MKLN1: variants seen among roughly 807,000 people sequenced by gnomAD.
The protein encoded by MKLN1 is muskelin.
In MKLN1, 18 loss-of-function variants were observed where a neutral mutation model predicts 99.0. The observed-to-expected ratio is 0.18, with a 90% CI of 0.13 to 0.27. MKLN1 has a LOEUF of 0.27. Ranked by LOEUF, MKLN1 falls within the 10% of genes least tolerant of loss-of-function variation. The pLI, the probability that MKLN1 is intolerant of heterozygous loss-of-function variation, is 1.00. For missense variants in MKLN1, 621 were observed against 875.9 expected (o/e 0.71, Z 3.67); for synonymous variants, 288 against 293.2 (o/e 0.98, Z 0.18).
Position 131,409,664 on chromosome 7 carries a change from A to G in MKLN1, c.704-1642A>G, listed in dbSNP as rs571763091. Among the ~76,000 whole-genome samples, 5 of 152,338 alleles carry G rather than the reference A, an allele frequency of 3.3e-5. No homozygotes were observed. In the South Asian group the frequency reaches 1.0e-3, roughly 32 times the overall value. On this transcript the variant is annotated intron_variant, in intron 6 of 17. Coordinates refer to ENST00000352689, the MANE Select transcript of MKLN1 (RefSeq NM_013255.5). Reference sequence around the variant, plus strand: ...CTCTGGTGAATATATAAATCGCAGAAAACAGTTTTACTTTTAAATTGAGTC... The same window carrying G: ...CTCTGGTGAATATATAAATCGCAGAGAACAGTTTTACTTTTAAATTGAGTC...
At chr7:131,476,350 A>C (rs1031224720) in intron 16 of MKLN1, among the ~76,000 whole-genome samples, 9 of 152,210 alleles carry the variant, frequency 5.9e-5, no homozygotes. Context: ...AGGAGAAAGT[A>C]AATTTGTTTG....
chr7:131,121,663 A>AAAG, intron 1 of MKLN1, among the ~76,000 whole-genome samples: 2 of 132,264 alleles, frequency 1.5e-5, no homozygotes, highest in African/African-American at 5.8e-5. Context: ...AAAAAAAAAA[A>AAAG]AAAAATTACC....
At chr7:131,354,334 A>G (rs1417901393) in intron 1 of MKLN1, among the ~76,000 whole-genome samples, 1 of 152,130 alleles carries the variant, frequency 6.6e-6, no homozygotes, top group Non-Finnish European at 1.5e-5. Context: ...GATACAGAGC[A>G]TCCTGTACAT....
In MKLN1 at chr7:131,429,159, C is replaced by T. The variant is rs1334363644; in HGVS notation, c.960+14C>T. 2 of 1,554,058 alleles carry T rather than the reference C, an allele frequency of 1.3e-6. No homozygotes were observed. Among genetic ancestry groups the T allele is most frequent in the African/African-American group, 2.7e-5 (2 of 73,706 alleles). ...ACTGAAAAAGAGGCAAGTTCTCAGA[C>T]TTTTCATACATCTATATTACAGAAG... On this transcript the variant is annotated intron_variant, in intron 9 of 17. Transcript: ENST00000352689.
intron 1 of MKLN1, among the ~76,000 whole-genome samples, chr7:131,360,430 A>G (rs1390694117): frequency 6.6e-6 from 1 of 151,880 alleles, no homozygotes; most frequent in Non-Finnish European, 1.5e-5. Context: ...TTGTTTTCTC[A>G]TCTCTTAGCA....
intron 3 of MKLN1, among the ~76,000 whole-genome samples, chr7:131,248,387 G>C (rs77665247): frequency 3.9e-5 from 6 of 152,212 alleles, no homozygotes; most frequent in African/African-American, 1.4e-4. Context: ...TGGTACCCCA[G>C]TTATCCTTTC....
rs189435480 is a variant in MKLN1, at chr7:131,245,709, A to G, written c.-179+42735A>G. On this transcript the variant is annotated intron_variant, in intron 3 of 7. Transcript: ENST00000416992. ...TACAGGTTTGAAGCCTAGGAGCAAT[A>G]GGCTATGCCATGTAGCCTAGGTGTG... is the stretch of plus-strand genomic sequence containing the variant. Among the ~76,000 whole-genome samples, 19 of 152,372 alleles carry G rather than the reference A, an allele frequency of 1.2e-4. No homozygotes were observed. The East Asian group carries it at 3.1e-3, about 25-fold the overall frequency.
chr7:131,453,173 A>G (rs1173290850), intron 12 of MKLN1, among the ~76,000 whole-genome samples: 1 of 152,214 alleles, frequency 6.6e-6, no homozygotes, highest in African/African-American at 2.4e-5. Context: ...TTTAGATATG[A>G]TATTTAGGTT....
intron 2 of MKLN1, among the ~76,000 whole-genome samples, chr7:131,192,486 AATAT>A (rs1330236639): frequency 2.3e-5 from 3 of 131,538 alleles, no homozygotes; most frequent in East Asian, 2.0e-4. Context: ...ACAATATATA[AATAT>A]ATATAATATA....
intron 3 of MKLN1, among the ~76,000 whole-genome samples, chr7:131,290,076 C>T (rs1216900815): frequency 6.6e-6 from 1 of 152,188 alleles, no homozygotes; most frequent in Non-Finnish European, 1.5e-5. Context: ...GAGGCCAAGG[C>T]AGGTGGATTA....
chr7:131,198,355 CTG>C lies in MKLN1; in HGVS notation c.-296-4498_-296-4497del, dbSNP rs1796679365. Among the ~76,000 whole-genome samples the C allele has an allele frequency of 7.2e-5, 11 of 152,302 alleles. No individual in the cohort carries two copies. The South Asian group carries it at 2.3e-3, about 32-fold the overall frequency. On this transcript the variant is annotated intron_variant, in intron 2 of 7. Transcript: ENST00000416992. The stretch of plus-strand genomic sequence containing the variant: ...CACATGTCGTCAGGACCTCCTGAGG[CTG>C]TGTCATGGAAAAAAATTTTTTTTTA...
At chr7:131,134,685 C>T (rs1189424824) in intron 1 of MKLN1, among the ~76,000 whole-genome samples, 1 of 152,146 alleles carries the variant, frequency 6.6e-6, no homozygotes, top group African/African-American at 2.4e-5. Context: ...ACTTTTAAAT[C>T]CCCCTTGGAC....
intron 2 of MKLN1, among the ~76,000 whole-genome samples, chr7:131,156,661 A>G (rs1795972300): frequency 6.6e-6 from 1 of 152,108 alleles, no homozygotes; most frequent in African/African-American, 2.4e-5. Flanking sequence ...TGTTCTGAAC[A>G]TGTTTCAGGT....
chr7:131,482,306 T>C (rs1458808487), intron 17 of MKLN1, among the ~76,000 whole-genome samples: 2 of 152,184 alleles, frequency 1.3e-5, no homozygotes, highest in Non-Finnish European at 2.9e-5. Flanking sequence ...GCAATCCTTC[T>C]GCCTCAGCCT....
chr7:131,249,894 A>G (rs1243685245), intron 3 of MKLN1, among the ~76,000 whole-genome samples: 1 of 152,064 alleles, frequency 6.6e-6, no homozygotes, highest in Admixed American at 6.6e-5. Context: ...GCAGGTCAGA[A>G]TTCTATCTGG....
At chr7:131,134,866 T>G (rs1182819629) in intron 1 of MKLN1, among the ~76,000 whole-genome samples, 1 of 152,210 alleles carries the variant, frequency 6.6e-6, no homozygotes, top group Non-Finnish European at 1.5e-5. Context: ...CTTTAAGAAA[T>G]GCTGATAGTT....
intron 3 of MKLN1, among the ~76,000 whole-genome samples, chr7:131,204,247 A>G (rs1170500701): frequency 6.6e-6 from 1 of 152,172 alleles, no homozygotes; most frequent in African/African-American, 2.4e-5. Flanking sequence ...CTACTTGGGG[A>G]ATGAATATGT....
At chr7:131,359,319 A>G (rs982867620) in intron 1 of MKLN1, among the ~76,000 whole-genome samples, 1 of 152,172 alleles carries the variant, frequency 6.6e-6, no homozygotes, top group African/African-American at 2.4e-5. Flanking sequence ...TTTTCCAGCT[A>G]TCTGTGAATG....
At chr7:131,216,359 G>T (rs1796981246) in intron 3 of MKLN1, among the ~76,000 whole-genome samples, 2 of 151,166 alleles carry the variant, frequency 1.3e-5, no homozygotes, top group Admixed American at 1.3e-4. Flanking sequence ...GGAGGCGGAG[G>T]TTGCAGTGAG....
Sources: allele counts gnomAD v4.1 joint callset (sites outside exome capture counted in the v4.1 genomes callset), GRCh38; gene constraint gnomAD v4.1.1; transcripts MANE v1.5; gene names NCBI Gene and HGNC (gene_info 2026-07-23, HGNC 2026-07-21).